Variants in ROBO2 observed in about 807,000 individuals in gnomAD.
ROBO2 encodes roundabout guidance receptor 2, also known as roundabout homolog 2.
A neutral mutation model predicts 160.8 loss-of-function variants in ROBO2; 53 were observed. That is an observed-to-expected ratio of 0.33 (90% CI 0.26 to 0.41). ROBO2 has a LOEUF of 0.41. Ranked by LOEUF, ROBO2 falls within the 10% of genes least tolerant of loss-of-function variation. ROBO2 has a pLI of 1.00. For missense variants in ROBO2, 1,577 were observed against 1,722.4 expected, an observed-to-expected ratio of 0.92 and a Z score of 1.49; for synonymous variants, 664 against 611.7, an observed-to-expected ratio of 1.09 and a Z score of -1.26.
intron 23 of ROBO2, among the ~76,000 whole-genome samples, chr3:77,626,143 T>C (rs1406898156): frequency 2.0e-5 from 3 of 152,172 alleles, no homozygotes; most frequent in Admixed American, 2.0e-4. Flanking sequence ...TGTTGCTTCA[T>C]ATGTGGAACT....
intron 2 of ROBO2, among the ~76,000 whole-genome samples, chr3:77,195,430 A>G (rs1224514232): frequency 6.6e-6 from 1 of 152,192 alleles, no homozygotes; most frequent in Non-Finnish European, 1.5e-5. Context: ...AAATGAAGGT[A>G]AATGCACTGA....
intron 2 of ROBO2, among the ~76,000 whole-genome samples, chr3:76,173,538 A>G (rs542219864): frequency 6.6e-4 from 100 of 151,672 alleles, no homozygotes; most frequent in African/African-American, 2.2e-3. Context: ...ACAGGCCCCA[A>G]TGTGCGATAT....
intron 2 of ROBO2, among the ~76,000 whole-genome samples, chr3:76,946,696 C>CG (rs1191757422): frequency 3.3e-5 from 5 of 152,158 alleles, no homozygotes; most frequent in African/African-American, 1.2e-4. Context: ...CCTCAGCCTC[C>CG]GAAGATGTTG....
intron 2 of ROBO2, among the ~76,000 whole-genome samples, chr3:76,341,648 C>G (rs147125844): frequency 0.014 from 2,163 of 152,154 alleles, 46 homozygotes; most frequent in African/African-American, 0.049. Context: ...CAGATTGTGT[C>G]TGTACTTTTT....
intron 14 of ROBO2, among the ~76,000 whole-genome samples, chr3:77,576,504 C>A (rs1217885241): frequency 6.6e-6 from 1 of 152,030 alleles, no homozygotes; most frequent in African/African-American, 2.4e-5. Flanking sequence ...ATTTTAACTA[C>A]CCCCACCTTT....
At chr3:76,895,599 A>G (rs915958915) in intron 2 of ROBO2, among the ~76,000 whole-genome samples, 1 of 152,174 alleles carries the variant, frequency 6.6e-6, no homozygotes, top group African/African-American at 2.4e-5. Flanking sequence ...AAACAGTAGT[A>G]GACACCTTCA....
chr3:77,301,534 A>T (rs2062656614), intron 2 of ROBO2, among the ~76,000 whole-genome samples: 1 of 152,232 alleles, frequency 6.6e-6, no homozygotes, highest in African/African-American at 2.4e-5. Flanking sequence ...TTATCAATTC[A>T]TTCACTTATC....
intron 2 of ROBO2, among the ~76,000 whole-genome samples, chr3:76,507,143 T>G (rs1383493267): frequency 6.6e-6 from 1 of 152,068 alleles, no homozygotes; most frequent in East Asian, 1.9e-4. Context: ...TCAACATAAA[T>G]TAGAAATTCG....
At chr3:76,263,887 C>T (rs1391050104) in intron 2 of ROBO2, among the ~76,000 whole-genome samples, 1 of 152,024 alleles carries the variant, frequency 6.6e-6, no homozygotes, top group African/African-American at 2.4e-5. Flanking sequence ...TACTATGCAG[C>T]CATAAAAAAG....
intron 24 of ROBO2, among the ~76,000 whole-genome samples, chr3:77,636,557 A>T (rs145405266): frequency 6.6e-6 from 1 of 151,872 alleles, no homozygotes; most frequent in African/African-American, 2.4e-5. Context: ...ACACCACTGC[A>T]CTCCAGCCTG....
chr3:76,766,214 C>T (rs1378224855), intron 2 of ROBO2, among the ~76,000 whole-genome samples: 1 of 151,574 alleles, frequency 6.6e-6, no homozygotes, highest in Non-Finnish European at 1.5e-5. Flanking sequence ...AACCTCCAAC[C>T]TAAAAATTTG....
At chr3:77,502,724 T>C (rs1435825317) in intron 5 of ROBO2, among the ~76,000 whole-genome samples, 1 of 152,194 alleles carries the variant, frequency 6.6e-6, no homozygotes, top group Admixed American at 6.5e-5. Flanking sequence ...ATGATTTACG[T>C]AGCATTTAGA....
chr3:77,438,624 A>G (rs996934416), intron 2 of ROBO2, among the ~76,000 whole-genome samples: 28 of 151,998 alleles, frequency 1.8e-4, no homozygotes, highest in Non-Finnish European at 3.2e-4. Context: ...TAATATCAAT[A>G]GTTATGTTTA....
At chr3:77,093,836 T>A (rs1334926493) in intron 1 of ROBO2, among the ~76,000 whole-genome samples, 2 of 152,164 alleles carry the variant, frequency 1.3e-5, no homozygotes, top group African/African-American at 2.4e-5. Flanking sequence ...AATTATCTAT[T>A]GCAGGCCTGA....
chr3:77,263,693 G>T (rs189827432), intron 2 of ROBO2, among the ~76,000 whole-genome samples: 2 of 152,272 alleles, frequency 1.3e-5, no homozygotes, highest in Admixed American at 6.5e-5. Flanking sequence ...TTGCTGTTGT[G>T]AATTGAGTTG....
intron 2 of ROBO2, among the ~76,000 whole-genome samples, chr3:76,174,794 C>T (rs948784956): frequency 6.6e-6 from 1 of 152,072 alleles, no homozygotes; most frequent in Non-Finnish European, 1.5e-5. Flanking sequence ...AGTCAGATAG[C>T]ATGATGCCTC....
intron 23 of ROBO2, chr3:77,631,686 G>C (rs2095166887): frequency 6.6e-6 from 1 of 152,016 alleles, no homozygotes; most frequent in African/African-American, 2.4e-5. Context: ...ACAACTTACA[G>C]CTCTTTAAAC....
intron 2 of ROBO2, among the ~76,000 whole-genome samples, chr3:77,013,343 G>T (rs780095614): frequency 2.6e-5 from 4 of 151,904 alleles, no homozygotes; most frequent in Non-Finnish European, 5.9e-5. Flanking sequence ...CATTGAGTTG[G>T]GTTTATAATG....
chr3:76,210,234 A>G (rs1387992621), intron 2 of ROBO2, among the ~76,000 whole-genome samples: 1 of 152,152 alleles, frequency 6.6e-6, no homozygotes, highest in East Asian at 1.9e-4. Context: ...TTCAAAATAA[A>G]AAAACACATA....
Sources: gnomAD v4.1 joint callset for allele counts (sites outside exome capture counted in the v4.1 genomes callset) on GRCh38, gnomAD v4.1.1 for gene constraint, MANE v1.5 for transcripts, NCBI Gene and HGNC (gene_info 2026-07-23, HGNC 2026-07-21) for gene names.